ALPK2: variants seen among roughly 807,000 people sequenced by gnomAD.
ALPK2 encodes alpha-protein kinase 2.
Under a neutral mutation model 163.1 loss-of-function variants are expected in ALPK2, and 127 were observed. The observed-to-expected ratio is 0.78, with a 90% CI of 0.67 to 0.90. The LOEUF is 0.90. Ranked by LOEUF, ALPK2 falls within the 40% of genes least tolerant of loss-of-function variation. The probability of loss-of-function intolerance (pLI) is 0.00; values close to 1 mark genes in which losing one functional copy is unlikely to be tolerated. For synonymous variants in ALPK2, 953 were observed against 959.1 expected, an observed-to-expected ratio of 0.99 and a Z score of 0.12; for missense variants, 2,360 against 2,589.6, an observed-to-expected ratio of 0.91 and a Z score of 1.92.
In ALPK2 at chr18:58,535,709, T is replaced by C; in HGVS notation, c.4478A>G (p.Gln1493Arg). 1 of 1,614,270 alleles carries C rather than the reference T, an allele frequency of 6.2e-7. No homozygotes were observed. Among genetic ancestry groups the C allele is most frequent in the Non-Finnish European group, 8.5e-7 (1 of 1,180,040 alleles). Residue 1493 changes from glutamine to arginine, a missense_variant, in exon 5 of 13, where the codon CAA (glutamine) becomes CGA (arginine). Gln to Arg is a conservative substitution (Grantham distance 43). Coordinates refer to ENST00000361673, the MANE Select transcript of ALPK2 (RefSeq NM_052947.4). ...QPEEAKTAIW[Q>R]VLQPSEGGER... Reference sequence around the variant, plus strand: ...ACCGCCTTCGCTGGGTTGCAGGACTTGCCAAATGGCAGTTTTTGCCTCCTC... The same window carrying C: ...ACCGCCTTCGCTGGGTTGCAGGACTCGCCAAATGGCAGTTTTTGCCTCCTC...
chr18:58,582,946 G>A (rs1282616356), intron 3 of ALPK2, among the ~76,000 whole-genome samples: 1 of 152,122 alleles, frequency 6.6e-6, no homozygotes, highest in Non-Finnish European at 1.5e-5. Context: ...CAAGGTTCTT[G>A]TATGTAGAGG....
At chr18:58,490,346 C>T (rs951935140) in intron 12 of ALPK2, among the ~76,000 whole-genome samples, 1 of 152,178 alleles carries the variant, frequency 6.6e-6, no homozygotes, top group Non-Finnish European at 1.5e-5. Context: ...CCACCACTGC[C>T]CCTCCCTGGG....
chr18:58,539,297 A>G (rs1320390785), intron 4 of ALPK2, among the ~76,000 whole-genome samples: 1 of 152,198 alleles, frequency 6.6e-6, no homozygotes. Context: ...CTCTACAGGA[A>G]ATAGAAGATT....
chr18:58,521,350 A>G (rs1255648589), intron 8 of ALPK2, among the ~76,000 whole-genome samples: 1 of 152,226 alleles, frequency 6.6e-6, no homozygotes, highest in East Asian at 1.9e-4. Flanking sequence ...AATGCCAATC[A>G]ATGCTAAGAA....
At chr18:58,626,041 T>G (rs538877620) in intron 1 of ALPK2, among the ~76,000 whole-genome samples, 1 of 152,360 alleles carries the variant, frequency 6.6e-6, no homozygotes, top group African/African-American at 2.4e-5. Context: ...CTTTACATGT[T>G]TGCATTTTCA....
intron 3 of ALPK2, among the ~76,000 whole-genome samples, chr18:58,593,383 G>A (rs1209703082): frequency 6.6e-6 from 1 of 151,604 alleles, no homozygotes; most frequent in Non-Finnish European, 1.5e-5. Context: ...GGCCAACATG[G>A]TGAAACCCCA....
chr18:58,523,599 T>C (rs1040821005), intron 8 of ALPK2, among the ~76,000 whole-genome samples: 3 of 152,228 alleles, frequency 2.0e-5, no homozygotes, highest in Admixed American at 1.3e-4. Context: ...TTTTTAATGA[T>C]CGCCATTCTA....
Position 58,595,683 on chromosome 18 carries a change from TG to T in ALPK2, c.227+11638del, listed in dbSNP as rs557398351. On this transcript the variant is annotated intron_variant, in intron 3 of 12. Coordinates refer to ENST00000361673, the MANE Select transcript of ALPK2 (RefSeq NM_052947.4). ...CAATTAAAACAGAATTTTTTAGGGG[TG>T]GGATATAAGCATCAATACTTTTTTA... Among the ~76,000 whole-genome samples the T allele has an allele frequency of 1.2e-4, 19 of 152,120 alleles. 1 individual carries two copies. In the South Asian group the frequency reaches 3.9e-3, roughly 32 times the overall value.
At chr18:58,613,890 C>T (rs1390637487) in intron 1 of ALPK2, among the ~76,000 whole-genome samples, 1 of 152,088 alleles carries the variant, frequency 6.6e-6, no homozygotes, top group African/African-American at 2.4e-5. Flanking sequence ...GAGATCACTC[C>T]TGCTGCTTTG....
At chr18:58,543,259 G>T in intron 4 of ALPK2, 1 of 706,046 alleles carries the variant, frequency 1.4e-6, no homozygotes, top group Non-Finnish European at 1.7e-6. Flanking sequence ...AGTCTCCAGA[G>T]CTGTAAGAAA....
intron 4 of ALPK2, among the ~76,000 whole-genome samples, chr18:58,570,165 C>T (rs902756404): frequency 2.0e-5 from 3 of 151,948 alleles, no homozygotes; most frequent in Non-Finnish European, 4.4e-5. Flanking sequence ...AAACCTCCGC[C>T]CTTCCCATCA....
At position 58,607,271 on chromosome 18, in the gene ALPK2, G is replaced by A. The variant is rs75265075; in HGVS notation, c.227+51C>T. 186 of 1,341,098 alleles carry A rather than the reference G, an allele frequency of 1.4e-4. 1 individual carries two copies. In the East Asian group the frequency reaches 4.3e-3, roughly 31 times the overall value. The allele number at this position is 1,341,098 out of a possible 1,614,324, so 83.1% of individuals were successfully genotyped here. A position where few individuals can be genotyped will look rare whatever the true frequency, so the allele number is the denominator to read the frequency against. On this transcript the variant is annotated intron_variant, in intron 3 of 12. Transcript: ENST00000361673. ...CCTTACCTCATAGTAATCAGCACAT[G>A]ACAGAATATAAGGATATTAGTAAAC...
intron 5 of ALPK2, among the ~76,000 whole-genome samples, chr18:58,533,449 ATT>A (rs10578866): frequency 0.49 from 68,592 of 141,400 alleles, 16,558 homozygotes; most frequent in Non-Finnish European, 0.55. Context: ...ATTCTATTTA[ATT>A]TTTTTTTTTT....
At chr18:58,622,567 G>A (rs2052207431) in intron 1 of ALPK2, among the ~76,000 whole-genome samples, 2 of 152,152 alleles carry the variant, frequency 1.3e-5, no homozygotes, top group South Asian at 4.1e-4. Flanking sequence ...TAAAGACAGG[G>A]AAGAGAGGAG....
chr18:58,525,023 C>T (rs930561208), intron 6 of ALPK2, among the ~76,000 whole-genome samples: 4 of 145,036 alleles, frequency 2.8e-5, no homozygotes, highest in African/African-American at 5.1e-5. Context: ...TTTGTTTAAA[C>T]ATTCACCAAG....
At chr18:58,603,201 AC>A (rs1181913974) in intron 3 of ALPK2, among the ~76,000 whole-genome samples, 2 of 152,134 alleles carry the variant, frequency 1.3e-5, no homozygotes, top group Non-Finnish European at 2.9e-5. Flanking sequence ...CTGGATTGGA[AC>A]CCCTTTTCCG....
rs753063224 is a variant in ALPK2, at chr18:58,498,076, T to C, written c.6269A>G (p.Asp2090Gly). 1.9e-6 allele frequency: 3 copies of C among 1,614,000 alleles called. No individual in the cohort carries two copies. In the South Asian group the frequency reaches 3.3e-5, roughly 18 times the overall value. The change falls in exon 12 of 13, where the codon GAC becomes GGC. Residue 2090 changes from aspartate to glycine, a missense_variant. By Grantham distance (94) the Asp-to-Gly change is moderately conservative. Transcript: ENST00000361673. Reference protein sequence around the residue: ...DMQGVGMKLTDVGIATLAKGY... With the variant: ...DMQGVGMKLTGVGIATLAKGY... Reference sequence around the variant, plus strand: ...TTTAGCCAGCGTTGCTATGCCAACGTCAGTTAGCTTCATTCCTACACCTAC... The same window carrying C: ...TTTAGCCAGCGTTGCTATGCCAACGCCAGTTAGCTTCATTCCTACACCTAC...
chr18:58,558,634 T>C (rs184201460), intron 4 of ALPK2, among the ~76,000 whole-genome samples: 1 of 152,296 alleles, frequency 6.6e-6, no homozygotes, highest in Admixed American at 6.5e-5. Context: ...TAAATGTTCA[T>C]AGCAGCATTA....
At chr18:58,506,792 A>G (rs1042167579) in intron 10 of ALPK2, among the ~76,000 whole-genome samples, 1 of 152,238 alleles carries the variant, frequency 6.6e-6, no homozygotes, top group African/African-American at 2.4e-5. Context: ...CTGGACAGAC[A>G]GTTCTCTGTG....
Sources: gnomAD v4.1 joint callset for allele counts (sites outside exome capture counted in the v4.1 genomes callset) on GRCh38, gnomAD v4.1.1 for gene constraint, MANE v1.5 for transcripts, NCBI Gene and HGNC (gene_info 2026-07-23, HGNC 2026-07-21) for gene names.